Variants in DAPK1 observed in about 807,000 individuals in gnomAD.
The protein encoded by DAPK1 is death-associated protein kinase 1.
Under a neutral mutation model 144.9 loss-of-function variants are expected in DAPK1, and 56 were observed. The ratio of observed to expected loss-of-function variants is 0.39; its 90% confidence interval spans 0.31 to 0.48. The LOEUF (loss-of-function observed/expected upper bound fraction) is 0.48, where lower values mean the gene tolerates loss of function less well. DAPK1 is among the 20% of genes least tolerant of loss of function. The probability of loss-of-function intolerance (pLI) is 0.95; values close to 1 mark genes in which losing one functional copy is unlikely to be tolerated. For missense variants in DAPK1, 1,454 were observed against 1,875.4 expected, an observed-to-expected ratio of 0.78 and a Z score of 4.15; for synonymous variants, 690 against 749.0, an observed-to-expected ratio of 0.92 and a Z score of 1.29.
At chr9:87,644,219 C>G (rs1339134473) in intron 11 of DAPK1, among the ~76,000 whole-genome samples, 1 of 152,164 alleles carries the variant, frequency 6.6e-6, no homozygotes, top group African/African-American at 2.4e-5. Flanking sequence ...ATTTTCCCCT[C>G]TAATCCAAAC....
intron 2 of DAPK1, among the ~76,000 whole-genome samples, chr9:87,558,658 G>A (rs542691224): frequency 8.5e-5 from 13 of 152,338 alleles, no homozygotes; most frequent in Admixed American, 5.2e-4. Context: ...GCAGGGAAGG[G>A]CTGTGATGGA....
intron 3 of DAPK1, among the ~76,000 whole-genome samples, chr9:87,616,471 A>G (rs1286170169): frequency 1.3e-5 from 2 of 152,154 alleles, no homozygotes; most frequent in Non-Finnish European, 2.9e-5. Context: ...TTTGGGGGGA[A>G]ACGTTGATTT....
At chr9:87,581,191 A>G (rs150366606) in intron 2 of DAPK1, among the ~76,000 whole-genome samples, 77 of 152,320 alleles carry the variant, frequency 5.1e-4, no homozygotes, top group African/African-American at 1.8e-3. Context: ...CGGAAGACGC[A>G]TGGACACCTC....
chr9:87,649,635 C>A (rs1341332594), intron 15 of DAPK1, among the ~76,000 whole-genome samples: 4 of 152,146 alleles, frequency 2.6e-5, no homozygotes, highest in East Asian at 1.9e-4. Flanking sequence ...TCCCGAAAGT[C>A]AATTGTCAGT....
intron 3 of DAPK1, among the ~76,000 whole-genome samples, chr9:87,616,260 T>C (rs1303916003): frequency 6.6e-6 from 1 of 152,210 alleles, no homozygotes; most frequent in East Asian, 1.9e-4. Context: ...TCTGGTGTGA[T>C]AGTGGCATGT....
At chr9:87,560,821 A>G (rs1245409400) in intron 2 of DAPK1, among the ~76,000 whole-genome samples, 2 of 151,830 alleles carry the variant, frequency 1.3e-5, no homozygotes, top group East Asian at 3.9e-4. Flanking sequence ...ACCCACCACC[A>G]CGCCCGGCTA....
chr9:87,651,608 G>A lies in DAPK1; in HGVS notation c.1708G>A (p.Val570Ile), dbSNP rs777370070. The change falls in exon 17 of 26, where the codon GTC becomes ATC. Residue 570 changes from valine (V) to isoleucine (I), a missense_variant. Transcript: ENST00000408954. ...GACTCTCCTCAGCCAAGGGTGTTTC[G>A]TCGATTATCAAGACAGGCACGGCAA... ...IKTLLSQGCFVDYQDRHGNTP... is the reference protein window; with the variant it reads ...IKTLLSQGCFIDYQDRHGNTP... 65 of 1,614,118 alleles carry A rather than the reference G, an allele frequency of 4.0e-5. 1 individual carries two copies. Among genetic ancestry groups the A allele is most frequent in the South Asian group, 3.0e-4 (27 of 91,074 alleles).
At chr9:87,518,407 C>T (rs979813957) in intron 2 of DAPK1, among the ~76,000 whole-genome samples, 2 of 151,518 alleles carry the variant, frequency 1.3e-5, no homozygotes, top group South Asian at 2.1e-4. Context: ...GGATTATAGG[C>T]GTGAGCCACT....
At chr9:87,536,175 A>T (rs1825855783) in intron 2 of DAPK1, among the ~76,000 whole-genome samples, 1 of 152,212 alleles carries the variant, frequency 6.6e-6, no homozygotes, top group African/African-American at 2.4e-5. Flanking sequence ...CCCCTTCCCT[A>T]AAGCTACAGC....
intron 2 of DAPK1, among the ~76,000 whole-genome samples, chr9:87,597,328 G>T (rs1037497440): frequency 3.9e-5 from 6 of 152,216 alleles, no homozygotes; most frequent in African/African-American, 1.2e-4. Context: ...AAGCAAAGCT[G>T]TAGGGGCCTT....
chr9:87,542,612 A>G (rs1387451831), intron 2 of DAPK1, among the ~76,000 whole-genome samples: 1 of 152,198 alleles, frequency 6.6e-6, no homozygotes, highest in African/African-American at 2.4e-5. Context: ...GTTGGCTTAC[A>G]CTCAGTGACT....
At chr9:87,657,940 G>T in intron 17 of DAPK1, 89 bp from the exon 18 acceptor site, 1 of 718,146 alleles carries the variant, frequency 1.4e-6, no homozygotes. Flanking sequence ...GGTGGGCCCT[G>T]ACCCCTTCCT....
chr9:87,568,925 T>C (rs1457557177), intron 2 of DAPK1, among the ~76,000 whole-genome samples: 2 of 152,202 alleles, frequency 1.3e-5, no homozygotes, highest in African/African-American at 4.8e-5. Context: ...GCAGACTTTA[T>C]ACTGAGAAAG....
chr9:87,671,497 T>G (rs990642660), intron 19 of DAPK1, among the ~76,000 whole-genome samples: 2 of 133,794 alleles, frequency 1.5e-5, no homozygotes, highest in Non-Finnish European at 3.3e-5. Context: ...AATAGTCACC[T>G]TTTTTTTCTT....
At chr9:87,681,755 T>C (rs1320354174) in intron 20 of DAPK1, 129 bp downstream of exon 20, 1 of 685,190 alleles carries the variant, frequency 1.5e-6, no homozygotes, top group East Asian at 2.7e-5. Context: ...GTGGCCTTAG[T>C]GGTTTTCAGG....
chr9:87,577,626 C>T (rs547303527), intron 2 of DAPK1, among the ~76,000 whole-genome samples: 20 of 152,142 alleles, frequency 1.3e-4, no homozygotes, highest in African/African-American at 4.1e-4. Context: ...GGTGAAACCC[C>T]GTCTCTACTA....
At chr9:87,591,125 C>G (rs1828117826) in intron 2 of DAPK1, among the ~76,000 whole-genome samples, 1 of 152,242 alleles carries the variant, frequency 6.6e-6, no homozygotes, top group African/African-American at 2.4e-5. Context: ...TTAGTCAAAG[C>G]AATTAGCCTC....
intron 2 of DAPK1, among the ~76,000 whole-genome samples, chr9:87,572,669 C>T (rs1209643849): frequency 6.6e-6 from 1 of 152,110 alleles, no homozygotes; most frequent in Non-Finnish European, 1.5e-5. Context: ...TCCTACTTCA[C>T]CATCCACCAA....
intron 2 of DAPK1, among the ~76,000 whole-genome samples, chr9:87,590,691 C>T (rs1365170209): frequency 1.3e-5 from 2 of 152,080 alleles, no homozygotes; most frequent in Non-Finnish European, 2.9e-5. Flanking sequence ...GGGCTCAAGC[C>T]ATCCTCTCAC....
Sources: allele counts gnomAD v4.1 joint callset (sites outside exome capture counted in the v4.1 genomes callset), GRCh38; gene constraint gnomAD v4.1.1; transcripts MANE v1.5; gene names NCBI Gene and HGNC (gene_info 2026-07-23, HGNC 2026-07-21).